The following LAMA2 variants were observed in gnomAD, a reference collection of about 807,000 sequenced individuals.
LAMA2 encodes laminin subunit alpha 2.
In LAMA2, 269 loss-of-function variants were observed where a neutral mutation model predicts 364.8. The ratio of observed to expected loss-of-function variants is 0.74; its 90% CI spans 0.67 to 0.82. The LOEUF (loss-of-function observed/expected upper bound fraction) is 0.82, where lower values mean the gene tolerates loss of function less well. LAMA2 is among the 40% of genes least tolerant of loss of function. The pLI is 0.00. For missense variants in LAMA2, 3,807 were observed against 3,873.2 expected (o/e 0.98, Z 0.45); for synonymous variants, 1,379 against 1,370.6 (o/e 1.01, Z -0.14).
intron 58 of LAMA2, among the ~76,000 whole-genome samples, 164 bp downstream of exon 58, chr6:129,492,647 A>G (rs941935496): frequency 1.3e-5 from 2 of 152,234 alleles, no homozygotes; most frequent in African/African-American, 2.4e-5. Context: ...TGACTTACCT[A>G]TATTTCCATC....
intron 1 of LAMA2, among the ~76,000 whole-genome samples, chr6:128,948,736 A>G (rs1780630357): frequency 6.6e-6 from 1 of 152,192 alleles, no homozygotes; most frequent in African/African-American, 2.4e-5. Context: ...CTTAGTTCCC[A>G]TGAGATCTGG....
intron 53 of LAMA2, 129 bp from the exon 54 acceptor site, chr6:129,478,564 A>G (rs1161454173): frequency 1.3e-5 from 12 of 916,136 alleles, no homozygotes; most frequent in Non-Finnish European, 2.0e-5. Flanking sequence ...TGCTGGGTAC[A>G]CGTGTGCACA....
chr6:129,297,824 G>A lies in LAMA2; in HGVS notation c.2996G>A (p.Cys999Tyr), dbSNP rs1255623491. ...PGVTGKKCDR[C>Y]AHGYFNFQEG... ...GTCACAGGGAAGAAATGTGACCGCT[G>A]TGCCCACGGCTATTTCAACTTCCAA... The change falls in exon 21 of 65, where the codon TGT becomes TAT. Residue 999 changes from cysteine to tyrosine, a missense_variant. By Grantham distance (194) the Cys-to-Tyr change is radical (BLOSUM62 -2). Around this residue, in one of 3 missense-constraint regions of LAMA2, gnomAD observed 3,333 missense variants for 3,345.7 expected, o/e 1.00. Coordinates refer to ENST00000421865, the MANE Select transcript of LAMA2 (RefSeq NM_000426.4). The A allele has an allele frequency of 6.2e-7, 1 of 1,613,974 alleles. No homozygotes were observed. Among genetic ancestry groups the A allele is most frequent in the Non-Finnish European group, 8.5e-7 (1 of 1,179,942 alleles).
At chr6:129,436,156 A>C (rs1369421917) in intron 41 of LAMA2, among the ~76,000 whole-genome samples, 1 of 152,220 alleles carries the variant, frequency 6.6e-6, no homozygotes, top group African/African-American at 2.4e-5. Flanking sequence ...CAATTTAGCC[A>C]GCACAACCGG....
intron 12 of LAMA2, among the ~76,000 whole-genome samples, chr6:129,212,834 A>G (rs1477479710): frequency 3.9e-5 from 6 of 152,216 alleles, no homozygotes; most frequent in East Asian, 1.9e-4. Context: ...TAAATGTTTG[A>G]TTTAATGTTG....
intron 28 of LAMA2, among the ~76,000 whole-genome samples, chr6:129,323,872 G>C (rs1196874427): frequency 6.6e-6 from 1 of 152,140 alleles, no homozygotes; most frequent in African/African-American, 2.4e-5. Context: ...TTTTAAAAGG[G>C]CTTTAGGCTT....
chr6:129,349,574 G>A (rs920756883), intron 31 of LAMA2, among the ~76,000 whole-genome samples, 190 bp downstream of exon 31: 9 of 151,606 alleles, frequency 5.9e-5, no homozygotes, highest in African/African-American at 1.7e-4. Context: ...TATTTCCACC[G>A]TATGTTTAGA....
At chr6:129,087,625 A>G (rs970295155) in intron 3 of LAMA2, among the ~76,000 whole-genome samples, 1 of 152,206 alleles carries the variant, frequency 6.6e-6, no homozygotes, top group Non-Finnish European at 1.5e-5. Context: ...GAAGAACAAC[A>G]TAATCAAAAT....
At chr6:129,232,648 T>G (rs925966036) in intron 12 of LAMA2, among the ~76,000 whole-genome samples, 3 of 152,138 alleles carry the variant, frequency 2.0e-5, no homozygotes, top group African/African-American at 7.2e-5. Context: ...TGTTGTAGGC[T>G]AAATAATGCC....
rs761423180 is a variant in LAMA2 at position 129,270,771 on chromosome 6, C to T, written c.2450+20C>T. The stretch of plus-strand genomic sequence containing the variant: ...CAATAAGTAAGTAACAAACTTACCC[C>T]ATGAATAAGCTCAGCATCCATTTCT... On this transcript the variant is annotated intron_variant, in intron 17 of 64. Coordinates refer to ENST00000421865, the MANE Select transcript of LAMA2 (RefSeq NM_000426.4). 2 of 1,610,850 alleles carry T rather than the reference C, an allele frequency of 1.2e-6. No individual in the cohort carries two copies. Among genetic ancestry groups the T allele is most frequent in the Admixed American group, 1.7e-5 (1 of 59,850 alleles).
intron 3 of LAMA2, among the ~76,000 whole-genome samples, chr6:129,090,135 TA>T (rs1214448466): frequency 1.3e-5 from 2 of 152,226 alleles, no homozygotes; most frequent in South Asian, 2.1e-4. Flanking sequence ...CAAGCTTTTT[TA>T]TTCTGATATA....
intron 17 of LAMA2, among the ~76,000 whole-genome samples, chr6:129,274,067 G>A (rs979562985): frequency 7.9e-5 from 12 of 151,944 alleles, no homozygotes; most frequent in Non-Finnish European, 1.8e-4. Flanking sequence ...AGAGGGCAGT[G>A]ATAATTCACT....
At chr6:129,504,977 A>G (rs1363035871) in intron 60 of LAMA2, among the ~76,000 whole-genome samples, 1 of 152,178 alleles carries the variant, frequency 6.6e-6, no homozygotes, top group Non-Finnish European at 1.5e-5. Flanking sequence ...ACCCAGGAAA[A>G]TTTGGTATTC....
chr6:129,144,175 G>A, intron 5 of LAMA2, 95 bp downstream of exon 5: 2 of 914,698 alleles, frequency 2.2e-6, no homozygotes, highest in South Asian at 1.5e-5. Flanking sequence ...GTGATTTGTA[G>A]GAGTGGTTAT....
At chr6:129,271,379 T>C (rs1486543746) in intron 17 of LAMA2, among the ~76,000 whole-genome samples, 1 of 152,046 alleles carries the variant, frequency 6.6e-6, no homozygotes, top group African/African-American at 2.4e-5. Context: ...GCTGCTTGAA[T>C]TCACATTCCC....
At chr6:129,391,121 A>G (rs575441900) in intron 35 of LAMA2, among the ~76,000 whole-genome samples, 1 of 152,272 alleles carries the variant, frequency 6.6e-6, no homozygotes, top group East Asian at 1.9e-4. Flanking sequence ...TGCTATGACT[A>G]TCTTATCAGC....
At chr6:129,316,242 T>C (rs1774600260) in intron 27 of LAMA2, 71 bp downstream of exon 27, 4 of 1,221,176 alleles carry the variant, frequency 3.3e-6, no homozygotes, top group Non-Finnish European at 4.8e-6. Context: ...CCTACAGATA[T>C]CAGATAAGAA....
At chr6:129,354,778 G>A (rs983290921) in intron 32 of LAMA2, among the ~76,000 whole-genome samples, 2 of 152,102 alleles carry the variant, frequency 1.3e-5, no homozygotes, top group African/African-American at 4.8e-5. Context: ...AAGAGAATTG[G>A]CATTCTGCCC....
intron 8 of LAMA2, among the ~76,000 whole-genome samples, chr6:129,156,201 C>T (rs1779103451): frequency 1.3e-5 from 2 of 150,910 alleles, no homozygotes; most frequent in Non-Finnish European, 3.0e-5. Context: ...TTCAAAATAT[C>T]ATGTCACACA....
Sources: gnomAD v4.1 joint callset for allele counts (sites outside exome capture counted in the v4.1 genomes callset) on GRCh38, gnomAD v4.1.1 for gene constraint, gnomAD v4.1.1 regional missense constraint, MANE v1.5 for transcripts, NCBI Gene and HGNC (gene_info 2026-07-23, HGNC 2026-07-21) for gene names.